Variants in SACM1L observed in about 807,000 individuals in gnomAD.
The protein encoded by SACM1L is phosphatidylinositol-3-phosphatase SAC1.
A neutral mutation model predicts 89.5 loss-of-function variants in SACM1L; 32 were observed. The ratio of observed to expected loss-of-function variants is 0.36; its 90% CI spans 0.27 to 0.48. SACM1L has a LOEUF of 0.48. Ranked by LOEUF, SACM1L falls within the 20% of genes least tolerant of loss-of-function variation. The pLI, the probability that SACM1L is intolerant of heterozygous loss-of-function variation, is 0.99. For synonymous variants in SACM1L, 213 were observed against 232.8 expected (o/e 0.92, Z 0.77); for missense variants, 543 against 708.5 (o/e 0.77, Z 2.65).
At chr3:45,734,614 G>A (rs1444922844) in intron 13 of SACM1L, 1 of 152,018 alleles carries the variant, frequency 6.6e-6, no homozygotes, top group East Asian at 1.9e-4. Context: ...GCCTGGCTAC[G>A]TTTTTGTTCT....
intron 4 of SACM1L, 108 bp from the exon 5 acceptor site, chr3:45,709,390 A>G: frequency 1.1e-6 from 1 of 945,270 alleles, no homozygotes; most frequent in South Asian, 1.7e-5. Context: ...TCCTTGTGCC[A>G]GTAGTCTTTA....
At chr3:45,717,277 C>T (rs1698683900) in intron 7 of SACM1L, among the ~76,000 whole-genome samples, 1 of 152,144 alleles carries the variant, frequency 6.6e-6, no homozygotes, top group Non-Finnish European at 1.5e-5. Flanking sequence ...ACATTCATAC[C>T]AGGAGGTCTT....
At chr3:45,722,112 CAGCG>C in intron 9 of SACM1L, 27 bp downstream of exon 9, 1 of 1,403,020 alleles carries the variant, frequency 7.1e-7, no homozygotes, top group South Asian at 1.3e-5. Context: ...GTTAGGCAGT[CAGCG>C]AGTTGGCCTT....
At chr3:45,727,851 T>C (rs1289905794) in intron 11 of SACM1L, among the ~76,000 whole-genome samples, 2 of 152,208 alleles carry the variant, frequency 1.3e-5, no homozygotes, top group Non-Finnish European at 2.9e-5. Context: ...CGCCTCGGCC[T>C]TCCAAAGTGC....
chr3:45,696,059 G>A (rs968046028), intron 1 of SACM1L, among the ~76,000 whole-genome samples: 1 of 148,200 alleles, frequency 6.7e-6, no homozygotes, highest in Non-Finnish European at 1.5e-5. Context: ...GTACAGTGGT[G>A]CGATCTCGGC....
intron 1 of SACM1L, among the ~76,000 whole-genome samples, chr3:45,697,151 T>C (rs186026169): frequency 1.7e-3 from 264 of 152,142 alleles, no homozygotes; most frequent in Middle Eastern, 3.4e-3. Context: ...TAAGTGTTGA[T>C]TCTTTCTTTT....
intron 19 of SACM1L, among the ~76,000 whole-genome samples, chr3:45,742,349 T>C (rs1559554414): frequency 6.6e-6 from 1 of 152,204 alleles, no homozygotes; most frequent in Non-Finnish European, 1.5e-5. Context: ...TATGGTAATA[T>C]CTGATTTCTA....
Position 45,722,079 on chromosome 3 carries a change from T to A in SACM1L, c.759T>A (p.Phe253Leu). ...IVHYNGSKASFVQTRGSIPVF... is the reference protein window; with the variant it reads ...IVHYNGSKASLVQTRGSIPVF... ...ACTACAATGGGAGCAAAGCTTCGTTTGTACAGGCAAGTTGTTATGTCTGTT... is the reference window on the plus strand; with the variant it reads ...ACTACAATGGGAGCAAAGCTTCGTTAGTACAGGCAAGTTGTTATGTCTGTT... Residue 253 changes from phenylalanine to leucine, a missense_variant, in exon 9 of 20, where the codon TTT becomes TTA. Physicochemically the swap from Phe to Leu is conservative, Grantham distance 22. Transcript: ENST00000389061. The A allele has an allele frequency of 6.2e-7, 1 of 1,607,864 alleles. No individual in the cohort carries two copies. Among genetic ancestry groups the A allele is most frequent in the Non-Finnish European group, 8.5e-7 (1 of 1,175,698 alleles).
At chr3:45,717,392 G>A (rs1296957954) in intron 7 of SACM1L, among the ~76,000 whole-genome samples, 1 of 152,168 alleles carries the variant, frequency 6.6e-6, no homozygotes, top group Non-Finnish European at 1.5e-5. Context: ...CAAGCTGCGT[G>A]TTTCTAAGTA....
intron 7 of SACM1L, among the ~76,000 whole-genome samples, chr3:45,718,271 A>G (rs1176025445): frequency 6.8e-6 from 1 of 146,072 alleles, no homozygotes; most frequent in Non-Finnish European, 1.5e-5. Context: ...GAAAGAATAC[A>G]TACAGATTAA....
At chr3:45,697,269 C>CTTTTTTTTTTTTTTTTTTTTTTTT (rs869095037) in intron 1 of SACM1L, among the ~76,000 whole-genome samples, 2 of 92,090 alleles carry the variant, frequency 2.2e-5, no homozygotes, top group African/African-American at 4.3e-5. Flanking sequence ...TTTTCTTTTC[C>CTTTTTTTTTTTTTTTTTTTTTTTT]TTTTTTTTTT....
intron 13 of SACM1L, chr3:45,734,886 G>A (rs1699164645): frequency 5.4e-6 from 1 of 184,166 alleles, no homozygotes; most frequent in African/African-American, 2.3e-5. Context: ...GACATCTAGG[G>A]ATATAGTTGG....
chr3:45,730,799 C>A (rs774473198), intron 11 of SACM1L: 1 of 152,250 alleles, frequency 6.6e-6, no homozygotes, highest in Admixed American at 6.5e-5. Flanking sequence ...GAATTTTTTG[C>A]CTCAGGCATC....
rs1699369357 is a variant in SACM1L at position 45,743,809 on chromosome 3, G to A, written c.*140G>A. ...GCACATCTTGTGCTCCATGCAGGAT[G>A]ATGACAGAATTGATCTGATGTTACT... On this transcript the variant is annotated 3_prime_UTR_variant, in exon 20 of 20. Coordinates refer to ENST00000389061, the MANE Select transcript of SACM1L (RefSeq NM_014016.5). 3 of 805,430 alleles carry A rather than the reference G, an allele frequency of 3.7e-6. No individual in the cohort carries two copies. Among genetic ancestry groups the A allele is most frequent in the Non-Finnish European group, 5.7e-6 (3 of 530,428 alleles). 49.9% of individuals were successfully genotyped at this position (805,430 alleles called of 1,614,324 possible). A position where few individuals can be genotyped will look rare whatever the true frequency, so the allele number is the denominator to read the frequency against.
rs781151800 is a variant in SACM1L, at chr3:45,722,855, CTCTTT to C, written c.766-7_766-3del. On this transcript the variant is annotated splice_polypyrimidine_tract_variant and intron_variant, in intron 9 of 19. Coordinates refer to ENST00000389061, the MANE Select transcript of SACM1L (RefSeq NM_014016.5). The stretch of plus-strand genomic sequence containing the variant: ...TGTTTGTGTTTCTTTTCACATTTCT[CTCTTT>C]TCTTTTAGACTCGAGGATCAATACC... The C allele has an allele frequency of 6.3e-7, 1 of 1,590,462 alleles. No individual in the cohort carries two copies. The highest frequency in any genetic ancestry group is 8.6e-7 in the Non-Finnish European group (1 of 1,159,268).
At chr3:45,728,848 T>C (rs899861268) in intron 11 of SACM1L, among the ~76,000 whole-genome samples, 1 of 152,014 alleles carries the variant, frequency 6.6e-6, no homozygotes, top group Admixed American at 6.6e-5. Context: ...AATTTTTTTG[T>C]TTTTTATAGA....
intron 1 of SACM1L, among the ~76,000 whole-genome samples, chr3:45,696,974 AT>A (rs765507811): frequency 6.6e-6 from 1 of 152,216 alleles, no homozygotes; most frequent in Non-Finnish European, 1.5e-5. Flanking sequence ...GATTAAATGC[AT>A]TTGTATTAAG....
chr3:45,699,500 G>T (rs1698213807), intron 1 of SACM1L, among the ~76,000 whole-genome samples: 1 of 150,846 alleles, frequency 6.6e-6, no homozygotes, highest in East Asian at 1.9e-4. Context: ...TAATTTCCTA[G>T]AATTAAAAAG....
chr3:45,738,796 T>C lies in SACM1L; in HGVS notation c.1492T>C (p.Phe498Leu), dbSNP rs778524033. ...TCTGTTCTAGGATTCCATAGACTTA[T>C]TTCTTGGAAACTATTCAGTGGATGA... ...DGFRQDSIDLFLGNYSVDELE... is the reference protein window; with the variant it reads ...DGFRQDSIDLLLGNYSVDELE... The change falls in exon 18 of 20, where the codon TTT (phenylalanine) becomes CTT (leucine). Residue 498 changes from phenylalanine to leucine, a missense_variant. Physicochemically the swap from Phe to Leu is conservative, Grantham distance 22. Around this residue, in one of 2 missense-constraint regions of SACM1L, gnomAD observed 370 missense variants for 527.6 expected, o/e 0.70. Coordinates refer to ENST00000389061, the MANE Select transcript of SACM1L (RefSeq NM_014016.5). The C allele has an allele frequency of 6.8e-6, 11 of 1,608,178 alleles. No homozygotes were observed. The African/African-American group carries it at 9.4e-5, about 14-fold the overall frequency.
Sources: allele counts gnomAD v4.1 joint callset (sites outside exome capture counted in the v4.1 genomes callset), GRCh38; gene constraint gnomAD v4.1.1; regional missense constraint gnomAD v4.1.1; transcripts MANE v1.5; gene names NCBI Gene and HGNC (gene_info 2026-07-23, HGNC 2026-07-21).